ANAPC4: variants seen among roughly 807,000 people sequenced by gnomAD.
The protein encoded by ANAPC4 is anaphase promoting complex subunit 4, also known as anaphase-promoting complex subunit 4.
Under a neutral mutation model 119.8 loss-of-function variants are expected in ANAPC4, and 63 were observed. The observed-to-expected ratio is 0.53, with a 90% CI of 0.43 to 0.65. The LOEUF (loss-of-function observed/expected upper bound fraction) is 0.65. Ranked by LOEUF, ANAPC4 falls within the 30% of genes least tolerant of loss-of-function variation. The pLI, the probability that ANAPC4 is intolerant of heterozygous loss-of-function variation, is 0.00. For synonymous variants in ANAPC4, 283 were observed against 318.6 expected, an observed-to-expected ratio of 0.89 and a Z score of 1.19; for missense variants, 716 against 945.1, an observed-to-expected ratio of 0.76 and a Z score of 3.18.
intron 21 of ANAPC4, chr4:25,413,089 A>T (rs1231236965): frequency 6.6e-6 from 1 of 151,350 alleles, no homozygotes; most frequent in Non-Finnish European, 1.5e-5. Context: ...TAAATTGGAG[A>T]ATATGGTGTT....
At chr4:25,392,620 C>T (rs1482853472) in intron 10 of ANAPC4, among the ~76,000 whole-genome samples, 199 bp downstream of exon 10, 2 of 152,148 alleles carry the variant, frequency 1.3e-5, no homozygotes, top group Non-Finnish European at 2.9e-5. Context: ...TATTTTCCAC[C>T]TCCAAAAGAG....
intron 14 of ANAPC4, 57 bp downstream of exon 14, chr4:25,394,962 C>T: frequency 7.7e-7 from 1 of 1,294,410 alleles, no homozygotes; most frequent in Non-Finnish European, 1.1e-6. Context: ...TGGCGTTGGC[C>T]TTCTTTCCGC....
chr4:25,385,306 T>C (rs1721972174), intron 4 of ANAPC4, among the ~76,000 whole-genome samples: 1 of 152,238 alleles, frequency 6.6e-6, no homozygotes, highest in African/African-American at 2.4e-5. Flanking sequence ...TCTATATGTA[T>C]ATATGTTTTA....
intron 14 of ANAPC4, among the ~76,000 whole-genome samples, chr4:25,396,229 C>G (rs755188197): frequency 1.3e-5 from 2 of 152,190 alleles, no homozygotes; most frequent in Non-Finnish European, 2.9e-5. Context: ...TATGACTATG[C>G]GATCATGACT....
chr4:25,414,439 C>A, intron 23 of ANAPC4, 27 bp from the exon 24 acceptor site: 1 of 1,598,424 alleles, frequency 6.3e-7, no homozygotes, highest in Non-Finnish European at 8.5e-7. Context: ...TTAAATTTTT[C>A]TCATTTCTTT....
Position 25,418,403 on chromosome 4 carries a change from TG to T in ANAPC4, c.*22del. ...CCTAATCTAGCTTGCCATTATTGTG[TG>T]TGTAATTATGGCCAAAAGGACATAG... On this transcript the variant is annotated 3_prime_UTR_variant, in exon 29 of 29. Coordinates refer to ENST00000315368, the MANE Select transcript of ANAPC4 (RefSeq NM_013367.3). The T allele has an allele frequency of 6.2e-7, 1 of 1,605,614 alleles. No homozygotes were observed. The highest frequency in any genetic ancestry group is 8.5e-7 in the Non-Finnish European group (1 of 1,173,118).
At position 25,408,681 on chromosome 4, in the gene ANAPC4, A is replaced by G. The variant is rs191623763; in HGVS notation, c.1432-1017A>G. On this transcript the variant is annotated intron_variant, in intron 20 of 28. Transcript: ENST00000315368. Reference sequence around the variant, plus strand: ...CCATGCCTGGCTAATTTTTGTCTTTATTTTGTGGAGACCTGCCATGTTGCC... The same window carrying G: ...CCATGCCTGGCTAATTTTTGTCTTTGTTTTGTGGAGACCTGCCATGTTGCC... Among the ~76,000 whole-genome samples, 85 of 151,432 alleles carry G rather than the reference A, an allele frequency of 5.6e-4. 2 individuals carry two copies. In the East Asian group the frequency reaches 9.7e-3, roughly 17 times the overall value.
At chr4:25,397,819 G>A (rs1338834157) in intron 16 of ANAPC4, among the ~76,000 whole-genome samples, 1 of 151,416 alleles carries the variant, frequency 6.6e-6, no homozygotes, top group Non-Finnish European at 1.5e-5. Context: ...TTTCATAACA[G>A]TGTTTTTGGG....
At chr4:25,417,185 C>G (rs148453491) in intron 27 of ANAPC4, 1 of 152,228 alleles carries the variant, frequency 6.6e-6, no homozygotes. Context: ...AGTGCAGTGA[C>G]GCAATCATAG....
At chr4:25,382,831 C>T (rs1056639694) in intron 3 of ANAPC4, among the ~76,000 whole-genome samples, 7 of 152,202 alleles carry the variant, frequency 4.6e-5, no homozygotes, top group African/African-American at 1.7e-4. Flanking sequence ...GCCTCGTTTC[C>T]CACCATCGTT....
intron 17 of ANAPC4, 70 bp downstream of exon 17, chr4:25,403,096 G>A: frequency 8.5e-7 from 1 of 1,171,826 alleles, no homozygotes. Flanking sequence ...ATCTTAGACT[G>A]TTTCAATAAA....
At chr4:25,385,337 C>T (rs1041372382) in intron 4 of ANAPC4, among the ~76,000 whole-genome samples, 6 of 152,150 alleles carry the variant, frequency 3.9e-5, no homozygotes, top group Admixed American at 6.5e-5. Flanking sequence ...AGAAAATCCT[C>T]GATGGCATCT....
At chr4:25,401,231 C>G (rs1722949332) in intron 16 of ANAPC4, among the ~76,000 whole-genome samples, 1 of 152,042 alleles carries the variant, frequency 6.6e-6, no homozygotes, top group African/African-American at 2.4e-5. Flanking sequence ...ATACCAGATG[C>G]TTGGTTGCTT....
rs1212782730 is a variant in ANAPC4 at position 25,388,900 on chromosome 4, A to G, written c.515+18A>G. On this transcript the variant is annotated intron_variant, in intron 7 of 28. Transcript: ENST00000315368. Reference sequence around the variant, plus strand: ...GACGTCAGGTAAATCTTACAGATAAATAAGTCTAATTTCTTAAAGTTATTT... The same window carrying G: ...GACGTCAGGTAAATCTTACAGATAAGTAAGTCTAATTTCTTAAAGTTATTT... The G allele has an allele frequency of 3.2e-6, 5 of 1,562,722 alleles. No homozygotes were observed. Among genetic ancestry groups the G allele is most frequent in the Non-Finnish European group, 4.4e-6 (5 of 1,145,014 alleles).
Position 25,384,492 on chromosome 4 carries a change from A to G in ANAPC4, c.368+1099A>G, listed in dbSNP as rs565380517. On this transcript the variant is annotated intron_variant, in intron 4 of 28. Coordinates refer to ENST00000315368, the MANE Select transcript of ANAPC4 (RefSeq NM_013367.3). ...GCCCAGATCCATCAGAGCGATCGCTATGTCAGCTCTAGCTTTATGAAATGT... is the reference window on the plus strand; with the variant it reads ...GCCCAGATCCATCAGAGCGATCGCTGTGTCAGCTCTAGCTTTATGAAATGT... 2.6e-5 allele frequency among the ~76,000 whole-genome samples: 4 copies of G among 152,340 alleles called. No individual in the cohort carries two copies. In the South Asian group the frequency reaches 6.2e-4, roughly 24 times the overall value.
intron 2 of ANAPC4, 130 bp from the exon 3 acceptor site, chr4:25,380,244 T>G (rs1258206017): frequency 1.8e-6 from 1 of 548,354 alleles, no homozygotes; most frequent in Non-Finnish European, 3.2e-6. Flanking sequence ...TGTTGTCTTT[T>G]TCTATTCTTC....
intron 10 of ANAPC4, among the ~76,000 whole-genome samples, chr4:25,392,707 A>G (rs1157051016): frequency 6.6e-6 from 1 of 152,170 alleles, no homozygotes; most frequent in Non-Finnish European, 1.5e-5. Flanking sequence ...CAGTCTTCAC[A>G]TGAGTTTACA....
In ANAPC4 at chr4:25,377,540, C is replaced by G. The variant is rs563308193; in HGVS notation, c.113C>G (p.Ala38Gly). 2.5e-6 allele frequency: 4 copies of G among 1,612,248 alleles called. No homozygotes were observed. In the African/African-American group the frequency reaches 5.3e-5, roughly 21 times the overall value. ...WSPKRDLIAL[A>G]NTAGEVLLHR... ...CCCAAGCGGGATCTCATTGCTTTGG[C>G]CAACACAGCTGGCGAGGTGAGTGAG... is the stretch of plus-strand genomic sequence containing the variant. The change falls in exon 2 of 29, where the codon GCC (alanine) becomes GGC (glycine). Residue 38 changes from alanine to glycine, a missense_variant. Physicochemically the swap from Ala to Gly is moderately conservative, Grantham distance 60. Around this residue, in one of 3 missense-constraint regions of ANAPC4, gnomAD observed 202 missense variants for 293.5 expected, o/e 0.69. Coordinates refer to ENST00000315368, the MANE Select transcript of ANAPC4 (RefSeq NM_013367.3).
intron 3 of ANAPC4, among the ~76,000 whole-genome samples, chr4:25,380,767 C>T (rs945085778): frequency 3.3e-5 from 5 of 152,154 alleles, no homozygotes; most frequent in Non-Finnish European, 7.3e-5. Flanking sequence ...TTGTTCTTTC[C>T]ACTGTCATCT....
Sources: allele counts gnomAD v4.1 joint callset (sites outside exome capture counted in the v4.1 genomes callset), GRCh38; gene constraint gnomAD v4.1.1; regional missense constraint gnomAD v4.1.1; transcripts MANE v1.5; gene names NCBI Gene and HGNC (gene_info 2026-07-23, HGNC 2026-07-21).